ARHGEF4: variants seen among roughly 807,000 people sequenced by gnomAD.
ARHGEF4 encodes the protein Rho guanine nucleotide exchange factor 4.
In ARHGEF4, 119 loss-of-function variants were observed where a neutral mutation model predicts 162.0. The ratio of observed to expected loss-of-function variants is 0.73; its 90% CI spans 0.63 to 0.86. The LOEUF is 0.86. Among genes scored for constraint, ARHGEF4 ranks in the 40% least tolerant of loss-of-function variants. The probability of loss-of-function intolerance (pLI) is 0.00; values close to 1 mark genes in which losing one functional copy is unlikely to be tolerated. For missense variants in ARHGEF4, 2,488 were observed against 2,456.0 expected (o/e 1.01, Z -0.28); for synonymous variants, 1,014 against 979.9 (o/e 1.03, Z -0.65).
At chr2:130,846,479 C>T (rs1680970146) in intron 1 of ARHGEF4, among the ~76,000 whole-genome samples, 1 of 152,208 alleles carries the variant, frequency 6.6e-6, no homozygotes, top group Admixed American at 6.5e-5. Context: ...CAGGCCAGCG[C>T]CCTCACTCCA....
chr2:130,927,353 A>C (rs1682357175), intron 2 of ARHGEF4, among the ~76,000 whole-genome samples: 1 of 152,194 alleles, frequency 6.6e-6, no homozygotes, highest in South Asian at 2.1e-4. Context: ...CTTCACAGAC[A>C]GCATGGTGGA....
Position 130,917,092 on chromosome 2 carries a change from A to G in ARHGEF4, c.3146A>G (p.Glu1049Gly), listed in dbSNP as rs779174176. The G allele has an allele frequency of 1.5e-5, 23 of 1,550,450 alleles. No individual in the cohort carries two copies. In the South Asian group the frequency reaches 2.3e-4, roughly 15 times the overall value. The change falls in exon 2 of 14, where the codon GAA becomes GGA. Residue 1049 changes from glutamate (E) to glycine (G), a missense_variant. By Grantham distance (98) the Glu-to-Gly change is moderately conservative (BLOSUM62 -2). Transcript: ENST00000409359. ...GRYLPSGIFP[E>G]KSWLASPGSP... ...TACCTACCTTCAGGTATCTTTCCGG[A>G]AAAGTCCTGGCTGGCGTCCCCCGGC...
rs1030490694 is a variant in ARHGEF4 at position 130,877,037 on chromosome 2, G to A, written c.40-36949G>A. Among the ~76,000 whole-genome samples, 5 of 152,342 alleles carry A rather than the reference G, an allele frequency of 3.3e-5. No individual in the cohort carries two copies. The South Asian group carries it at 6.2e-4, about 19-fold the overall frequency. ...CTAACTTGGGGCTTTTAGTGCCAAA[G>A]TAAGATTATGAGGAAGCCCTCCATG... On this transcript the variant is annotated intron_variant, in intron 1 of 13. Transcript: ENST00000409359.
chr2:131,039,950 C>T (rs1383461402), intron 6 of ARHGEF4, 66 bp from the exon 7 acceptor site: 6 of 1,521,064 alleles, frequency 3.9e-6, no homozygotes, highest in African/African-American at 1.4e-5. Flanking sequence ...CCCGCCGCTG[C>T]GGCGCAGGGC....
chr2:130,847,303 G>A (rs891573738), intron 1 of ARHGEF4, among the ~76,000 whole-genome samples: 3 of 152,176 alleles, frequency 2.0e-5, no homozygotes, highest in East Asian at 1.9e-4. Context: ...CTCTTGAATC[G>A]CTTTTCACCT....
intron 4 of ARHGEF4, among the ~76,000 whole-genome samples, chr2:130,990,715 C>T (rs1365997809): frequency 6.6e-6 from 1 of 152,120 alleles, no homozygotes; most frequent in Non-Finnish European, 1.5e-5. Context: ...TCATTATCCA[C>T]TTGGGAACAG....
At chr2:131,001,549 G>A (rs1687770217) in intron 4 of ARHGEF4, among the ~76,000 whole-genome samples, 1 of 152,030 alleles carries the variant, frequency 6.6e-6, no homozygotes, top group Non-Finnish European at 1.5e-5. Flanking sequence ...GATGTACAGG[G>A]TCCAGAATTC....
rs140557363 is a variant in ARHGEF4 at position 130,893,563 on chromosome 2, G to T, written c.40-20423G>T. On this transcript the variant is annotated intron_variant, in intron 1 of 13. Transcript: ENST00000409359. ...GGGCACGGTGCTGGGAGCCGAGCAT[G>T]GCTGCAGGTGCCGGGATGCTGAGGT... 8.7e-4 allele frequency among the ~76,000 whole-genome samples: 133 copies of T among 152,322 alleles called. 1 individual carries two copies. The highest frequency in any genetic ancestry group is 3.1e-3 in the African/African-American group (130 of 41,576).
At position 130,916,205 on chromosome 2, in the gene ARHGEF4, G is replaced by A. The variant is rs2105057146; in HGVS notation, c.2259G>A (p.Glu753=). The A allele has an allele frequency of 6.5e-7, 1 of 1,546,656 alleles. No individual in the cohort carries two copies. Residue 753 remains glutamate (E), a synonymous_variant, in exon 2 of 14, where the codon GAG becomes GAA. Transcript: ENST00000409359. ...SSGSGERGPE[E]APEGGAAAAR... ...GGTCAGGGGAGCGTGGCCCGGAGGA[G>A]GCCCCCGAAGGCGGTGCTGCAGCAG...
Position 130,969,667 on chromosome 2 carries a change from T to C in ARHGEF4, c.3985+23032T>C, listed in dbSNP as rs564103734. On this transcript the variant is annotated intron_variant, in intron 4 of 13. Coordinates refer to ENST00000409359, the MANE Select transcript of ARHGEF4 (RefSeq NM_001367493.1). ...CCATCTGTATTTATTTTTAAAGTTATATACAGTAAAAGGCACACTTTTTGG... is the reference window on the plus strand; with the variant it reads ...CCATCTGTATTTATTTTTAAAGTTACATACAGTAAAAGGCACACTTTTTGG... Among the ~76,000 whole-genome samples the C allele has an allele frequency of 2.0e-5, 3 of 152,292 alleles. No individual in the cohort carries two copies. In the South Asian group the frequency reaches 6.2e-4, roughly 32 times the overall value.
In ARHGEF4 at chr2:130,917,444, G is replaced by C. The variant is rs1335798431; in HGVS notation, c.3498G>C (p.Gln1166His). The change falls in exon 2 of 14, where the codon CAG becomes CAC. Residue 1166 changes from glutamine to histidine, a missense_variant. This residue lies in a region of ARHGEF4 where 1,642 missense variants were observed against 1,481.5 expected (regional missense o/e 1.11). Coordinates refer to ENST00000409359, the MANE Select transcript of ARHGEF4 (RefSeq NM_001367493.1). The stretch of plus-strand genomic sequence containing the variant: ...AGGAAGAGAGCAGGGAAGGAGGCCA[G>C]GGTCCGCGCGGCTTGGGCACAGTGC... ...EQKEESREGGQGPRGLGTVPW... is the reference protein window; with the variant it reads ...EQKEESREGGHGPRGLGTVPW... The C allele has an allele frequency of 1.9e-6, 3 of 1,550,504 alleles. No individual in the cohort carries two copies. The East Asian group carries it at 7.3e-5, about 38-fold the overall frequency.
chr2:130,864,809 G>C (rs1404494853), intron 1 of ARHGEF4, among the ~76,000 whole-genome samples: 2 of 152,210 alleles, frequency 1.3e-5, no homozygotes, highest in Non-Finnish European at 2.9e-5. Context: ...GCACAACTCT[G>C]AATTTATTTA....
At chr2:130,960,810 C>G (rs1284552112) in intron 4 of ARHGEF4, among the ~76,000 whole-genome samples, 1 of 152,132 alleles carries the variant, frequency 6.6e-6, no homozygotes, top group African/African-American at 2.4e-5. Context: ...GCTGTCCTCA[C>G]CCCCAGGGTC....
At chr2:131,015,064 G>A (rs1263076114) in intron 4 of ARHGEF4, among the ~76,000 whole-genome samples, 1 of 152,172 alleles carries the variant, frequency 6.6e-6, no homozygotes, top group Non-Finnish European at 1.5e-5. Context: ...CTCACAGGTA[G>A]GCTGGAGTCA....
chr2:130,970,402 A>C (rs1685276880), intron 4 of ARHGEF4, among the ~76,000 whole-genome samples: 1 of 152,102 alleles, frequency 6.6e-6, no homozygotes, highest in Non-Finnish European at 1.5e-5. Context: ...CAGCCTGACC[A>C]ACATGGTAAA....
At chr2:130,953,578 C>T (rs917146192) in intron 4 of ARHGEF4, among the ~76,000 whole-genome samples, 5 of 152,122 alleles carry the variant, frequency 3.3e-5, no homozygotes, top group Non-Finnish European at 7.4e-5. Context: ...AACTAAAGAG[C>T]TTCTGCACAG....
intron 4 of ARHGEF4, among the ~76,000 whole-genome samples, chr2:131,023,208 C>CA (rs1255827764): frequency 6.6e-6 from 1 of 151,736 alleles, no homozygotes; most frequent in Non-Finnish European, 1.5e-5. Context: ...GCAGGAGGAT[C>CA]ACTTGAGGCC....
chr2:130,966,643 T>C (rs1373781597), intron 4 of ARHGEF4, among the ~76,000 whole-genome samples: 1 of 152,198 alleles, frequency 6.6e-6, no homozygotes, highest in African/African-American at 2.4e-5. Context: ...TTTCAGCCAG[T>C]CTGTGCCAGC....
intron 1 of ARHGEF4, among the ~76,000 whole-genome samples, chr2:130,907,905 C>T (rs920528490): frequency 3.3e-5 from 5 of 149,988 alleles, no homozygotes; most frequent in Admixed American, 1.3e-4. Context: ...TGCAGTGAGC[C>T]GAGATCACAC....
Sources: allele counts gnomAD v4.1 joint callset (sites outside exome capture counted in the v4.1 genomes callset), GRCh38; gene constraint gnomAD v4.1.1; regional missense constraint gnomAD v4.1.1; transcripts MANE v1.5; gene names NCBI Gene and HGNC (gene_info 2026-07-23, HGNC 2026-07-21).